Variants in PPIL6 observed in about 807,000 individuals in gnomAD.
PPIL6 encodes the protein peptidylprolyl isomerase like 6.
PPIL6 carries 39 observed loss-of-function variants against 36.8 expected under a neutral mutation model. The observed-to-expected ratio is 1.06, with a 90% confidence interval of 0.82 to 1.38. PPIL6 has a LOEUF of 1.38. Among genes scored for constraint, PPIL6 ranks in the 40% most tolerant of loss-of-function variants. PPIL6 has a pLI of 0.00. For synonymous variants in PPIL6, 123 were observed against 134.1 expected, an observed-to-expected ratio of 0.92 and a Z score of 0.57; for missense variants, 368 against 379.1, an observed-to-expected ratio of 0.97 and a Z score of 0.24.
At chr6:109,435,872 C>G (rs1487894466) in intron 2 of PPIL6, among the ~76,000 whole-genome samples, 7 of 152,124 alleles carry the variant, frequency 4.6e-5, no homozygotes, top group African/African-American at 1.4e-4. Flanking sequence ...CTGCAGTGAG[C>G]CAAGATCGCC....
At chr6:109,406,354 A>C (rs1772798400) in intron 6 of PPIL6, among the ~76,000 whole-genome samples, 1 of 151,996 alleles carries the variant, frequency 6.6e-6, no homozygotes, top group Non-Finnish European at 1.5e-5. Context: ...GTCTGGCCAA[A>C]GTGTGGAGAT....
At chr6:109,429,532 G>C (rs1774010923) in intron 3 of PPIL6, among the ~76,000 whole-genome samples, 1 of 152,062 alleles carries the variant, frequency 6.6e-6, no homozygotes, top group African/African-American at 2.4e-5. Context: ...AACCTAAAGG[G>C]GCCAGATTCT....
chr6:109,414,061 G>A (rs1480191982), intron 6 of PPIL6, among the ~76,000 whole-genome samples: 1 of 152,082 alleles, frequency 6.6e-6, no homozygotes, highest in Non-Finnish European at 1.5e-5. Context: ...TAGAACAAGA[G>A]GGCAACTATA....
intron 1 of PPIL6, among the ~76,000 whole-genome samples, chr6:109,438,575 G>A (rs1462258360): frequency 6.6e-6 from 1 of 151,812 alleles, no homozygotes; most frequent in Admixed American, 6.6e-5. Flanking sequence ...ATAATTTTTA[G>A]ATTTGTAAAC....
chr6:109,401,360 G>A (rs1772530017), intron 6 of PPIL6, among the ~76,000 whole-genome samples: 1 of 152,012 alleles, frequency 6.6e-6, no homozygotes, highest in Non-Finnish European at 1.5e-5. Context: ...AGGAAATAAT[G>A]GATGAGAAAT....
At position 109,411,886 on chromosome 6, in the gene PPIL6, C is replaced by CT. The variant is rs1248182335; in HGVS notation, c.688+7300dup. On this transcript the variant is annotated intron_variant, in intron 6 of 7. Transcript: ENST00000521072. Reference sequence around the variant, plus strand: ...CAGCAAGCAGTTACAGAAGACTGGCCTTCACCCTTCTGCAGCCCTCTTAAT... The same window carrying CT: ...CAGCAAGCAGTTACAGAAGACTGGCCTTTCACCCTTCTGCAGCCCTCTTAAT... Among the ~76,000 whole-genome samples the CT allele has an allele frequency of 2.6e-5, 4 of 152,324 alleles. No homozygotes were observed. In the East Asian group the frequency reaches 7.7e-4, roughly 29 times the overall value.
chr6:109,427,280 G>A, intron 3 of PPIL6, 124 bp from the exon 4 acceptor site: 3 of 590,062 alleles, frequency 5.1e-6, no homozygotes, highest in Non-Finnish European at 3.0e-6. Flanking sequence ...ATTACCAATG[G>A]ATAATATTAC....
At chr6:109,432,517 C>A (rs1240376927) in intron 2 of PPIL6, among the ~76,000 whole-genome samples, 1 of 152,166 alleles carries the variant, frequency 6.6e-6, no homozygotes, top group African/African-American at 2.4e-5. Context: ...CAATGAGAAT[C>A]ACTGAATCTG....
intron 7 of PPIL6, among the ~76,000 whole-genome samples, chr6:109,398,773 C>T (rs1451282976): frequency 6.6e-6 from 1 of 152,170 alleles, no homozygotes; most frequent in Non-Finnish European, 1.5e-5. Flanking sequence ...AATGACTTCA[C>T]CTCTTCACTT....
At chr6:109,430,875 T>A (rs1165133149) in intron 3 of PPIL6, among the ~76,000 whole-genome samples, 2 of 152,192 alleles carry the variant, frequency 1.3e-5, no homozygotes, top group East Asian at 3.9e-4. Context: ...GAGGGGGTGG[T>A]CTTTATATTT....
At chr6:109,431,096 C>T in intron 3 of PPIL6, 61 bp downstream of exon 3, 1 of 1,170,818 alleles carries the variant, frequency 8.5e-7, no homozygotes, top group South Asian at 1.5e-5. Context: ...ATAATTAATG[C>T]TGAATCAATA....
At chr6:109,409,616 A>C (rs1772936269) in intron 6 of PPIL6, among the ~76,000 whole-genome samples, 1 of 152,112 alleles carries the variant, frequency 6.6e-6, no homozygotes, top group South Asian at 2.1e-4. Context: ...AGATTACATG[A>C]TCTCATATTT....
chr6:109,415,218 C>G (rs546245877), intron 6 of PPIL6, among the ~76,000 whole-genome samples: 1 of 152,322 alleles, frequency 6.6e-6, no homozygotes, highest in East Asian at 1.9e-4. Context: ...TTTCATTTCT[C>G]TAGCAATGTT....
rs113269650 is a variant in PPIL6, at chr6:109,435,647, G to A, written c.231+457C>T. ...AAGAACAAAAAACAGCTTGGTGGCC[G>A]AGCTCAGTGACTCACGCCTGTAATC... On this transcript the variant is annotated intron_variant, in intron 2 of 7. Transcript: ENST00000521072. Among the ~76,000 whole-genome samples the A allele has an allele frequency of 6.7e-4, 102 of 152,038 alleles. 1 individual carries two copies. Among genetic ancestry groups the A allele is most frequent in the Non-Finnish European group, 9.1e-4 (62 of 67,974 alleles).
At chr6:109,417,126 C>T (rs183334206) in intron 6 of PPIL6, among the ~76,000 whole-genome samples, 26 of 150,030 alleles carry the variant, frequency 1.7e-4, no homozygotes, top group East Asian at 9.7e-4. Context: ...GCTATGATCA[C>T]GCCATTGCAC....
intron 6 of PPIL6, among the ~76,000 whole-genome samples, chr6:109,401,945 T>C (rs1461370388): frequency 6.6e-6 from 1 of 151,914 alleles, no homozygotes; most frequent in Non-Finnish European, 1.5e-5. Context: ...GGATGGTCTC[T>C]ATCTCGTGAC....
intron 3 of PPIL6, among the ~76,000 whole-genome samples, chr6:109,429,198 GAATT>G (rs1018614181): frequency 2.6e-5 from 4 of 152,134 alleles, no homozygotes; most frequent in African/African-American, 9.7e-5. Flanking sequence ...TCACTGCCAC[GAATT>G]ATTTCGGGCT....
rs1158636718 is a variant in PPIL6 at position 109,426,936 on chromosome 6, T to C, written c.542A>G (p.Lys181Arg). 6.2e-7 allele frequency: 1 copy of C among 1,608,612 alleles called. No individual in the cohort carries two copies. The highest frequency in any genetic ancestry group is 2.2e-5 in the East Asian group (1 of 44,732). ...CKNFQVLCTGKAGFSQRGIRL... is the reference protein window; with the variant it reads ...CKNFQVLCTGRAGFSQRGIRL... Reference sequence around the variant, plus strand: ...TATGCCACGTTGAGAAAACCCTGCTTTTCCTGTGCACAAGACCTGAAAATT... The same window carrying C: ...TATGCCACGTTGAGAAAACCCTGCTCTTCCTGTGCACAAGACCTGAAAATT... The change falls in exon 5 of 8, where the codon AAA becomes AGA. Residue 181 changes from lysine to arginine, a missense_variant. By Grantham distance (26) the Lys-to-Arg change is conservative (BLOSUM62 2). Coordinates refer to ENST00000521072, the MANE Select transcript of PPIL6 (RefSeq NM_173672.5).
chr6:109,398,872 GGATA>G (rs1004624445), intron 7 of PPIL6, among the ~76,000 whole-genome samples: 11 of 152,080 alleles, frequency 7.2e-5, no homozygotes, highest in African/African-American at 2.2e-4. Flanking sequence ...TTTGATAGAT[GGATA>G]GATAGAGACA....
Sources: allele counts gnomAD v4.1 joint callset (sites outside exome capture counted in the v4.1 genomes callset), GRCh38; gene constraint gnomAD v4.1.1; transcripts MANE v1.5; gene names NCBI Gene and HGNC (gene_info 2026-07-23, HGNC 2026-07-21).